The following PTPRA variants were observed in gnomAD, a reference collection of about 807,000 sequenced individuals.
PTPRA encodes the protein protein tyrosine phosphatase receptor type A, also known as receptor-type tyrosine-protein phosphatase alpha.
A neutral mutation model predicts 104.8 loss-of-function variants in PTPRA; 25 were observed. The observed-to-expected ratio is 0.24, with a 90% CI of 0.17 to 0.33. The LOEUF is 0.33. Among genes scored for constraint, PTPRA ranks in the 10% least tolerant of loss-of-function variants. The probability of loss-of-function intolerance (pLI) is 1.00; values close to 1 mark genes in which losing one functional copy is unlikely to be tolerated. For missense variants in PTPRA, 765 were observed against 1,015.3 expected (o/e 0.75, Z 3.35); for synonymous variants, 323 against 368.9 (o/e 0.88, Z 1.43).
intron 17 of PTPRA, among the ~76,000 whole-genome samples, chr20:3,026,302 C>T (rs1400872068): frequency 2.6e-5 from 4 of 152,140 alleles, no homozygotes; most frequent in African/African-American, 9.7e-5. Context: ...CTTTGAGTAG[C>T]AAATGTCAAG....
At chr20:2,939,175 C>T (rs1306998575) in intron 2 of PTPRA, among the ~76,000 whole-genome samples, 1 of 152,094 alleles carries the variant, frequency 6.6e-6, no homozygotes, top group African/African-American at 2.4e-5. Flanking sequence ...GTTCTTATGC[C>T]TTTTGCTGTG....
intron 13 of PTPRA, among the ~76,000 whole-genome samples, chr20:3,018,519 T>C (rs953238596): frequency 6.6e-6 from 1 of 151,678 alleles, no homozygotes; most frequent in African/African-American, 2.4e-5. Flanking sequence ...CAGCACATGT[T>C]TCAGAGAGCA....
intron 1 of PTPRA, among the ~76,000 whole-genome samples, chr20:2,905,614 C>T (rs1568646941): frequency 1.3e-5 from 2 of 152,070 alleles, no homozygotes; most frequent in Non-Finnish European, 2.9e-5. Flanking sequence ...CCCCTTTTCC[C>T]CTTTTCACCA....
intron 1 of PTPRA, among the ~76,000 whole-genome samples, chr20:2,919,390 A>G (rs571298513): frequency 6.6e-6 from 1 of 152,312 alleles, no homozygotes; most frequent in Non-Finnish European, 1.5e-5. Flanking sequence ...AGAAAGATTC[A>G]AATTAATAGG....
chr20:2,960,485 G>A (rs1471529302), intron 3 of PTPRA, among the ~76,000 whole-genome samples: 2 of 151,854 alleles, frequency 1.3e-5, no homozygotes, highest in South Asian at 4.2e-4. Flanking sequence ...TCCTGACCTC[G>A]TGATCCGCCC....
At chr20:2,865,184 C>T in the PTPRA span, 6 of 1,614,156 alleles carry the variant, frequency 3.7e-6, no homozygotes, top group African/African-American at 2.7e-5. The surrounding 1 kb of genome is among the most constrained non-coding windows in gnomAD (Gnocchi z 5.2). Flanking sequence ...ACGGCTGCAG[C>T]GGCGCCTAGA....
At chr20:2,986,281 T>C (rs538485364) in intron 6 of PTPRA, among the ~76,000 whole-genome samples, 1 of 152,300 alleles carries the variant, frequency 6.6e-6, no homozygotes, top group African/African-American at 2.4e-5. Context: ...GAAAACTGTC[T>C]TTTTCCCTTC....
Position 3,022,734 on chromosome 20 carries a change from G to T in PTPRA, c.1374G>T (p.Met458Ile). ...RTGTFVVIDA[M>I]LDMMHTERKV... is the part of the protein sequence containing the mutation. The stretch of plus-strand genomic sequence containing the variant: ...GTACCTTTGTCGTCATTGATGCCAT[G>T]CTGGACATGATGCATACAGAACGGA... The change falls in exon 16 of 24, where the codon ATG becomes ATT. Residue 458 changes from methionine (M) to isoleucine (I), a missense_variant. Met to Ile is a conservative substitution (Grantham distance 10). Around this residue, in one of 4 missense-constraint regions of PTPRA, gnomAD observed 245 missense variants for 398.7 expected, o/e 0.61. Coordinates refer to ENST00000399903, the MANE Select transcript of PTPRA (RefSeq NM_001385305.1). This position sits in a 1 kb window ranked among gnomAD's most constrained non-coding sequence, Gnocchi z 4.6. 1 of 1,614,228 alleles carries T rather than the reference G, an allele frequency of 6.2e-7. No homozygotes were observed. Among genetic ancestry groups the T allele is most frequent in the Non-Finnish European group, 8.5e-7 (1 of 1,180,048 alleles).
At chr20:2,989,841 C>T (rs1002944270) in intron 9 of PTPRA, among the ~76,000 whole-genome samples, 52 of 152,180 alleles carry the variant, frequency 3.4e-4, no homozygotes, top group African/African-American at 6.3e-4. Flanking sequence ...CACAGTGAAA[C>T]CCTGTCTCTA....
chr20:2,969,406 C>T (rs2062073773), intron 5 of PTPRA, among the ~76,000 whole-genome samples: 1 of 151,840 alleles, frequency 6.6e-6, no homozygotes, highest in Non-Finnish European at 1.5e-5. Flanking sequence ...CACCACCACA[C>T]CCAGCTGTTT....
chr20:2,958,658 T>TAAAAAAAA (rs71195806), intron 3 of PTPRA, among the ~76,000 whole-genome samples: 29 of 62,276 alleles, frequency 4.7e-4, no homozygotes, highest in East Asian at 7.9e-4. Flanking sequence ...CCATCTCTAC[T>TAAAAAAAA]AAAAAAAAAA....
intron 5 of PTPRA, among the ~76,000 whole-genome samples, chr20:2,968,405 A>G (rs2062022560): frequency 6.6e-6 from 1 of 151,688 alleles, no homozygotes; most frequent in Non-Finnish European, 1.5e-5. Context: ...TTTTTCGTTC[A>G]TTATTATGGA....
At chr20:2,881,811 G>A (rs2090065982) in intron 1 of PTPRA, among the ~76,000 whole-genome samples, 1 of 152,170 alleles carries the variant, frequency 6.6e-6, no homozygotes, top group Admixed American at 6.5e-5. Context: ...AACCAGCCTG[G>A]CCAACATGGC....
At chr20:2,957,145 C>T (rs901529819) in intron 3 of PTPRA, among the ~76,000 whole-genome samples, 2 of 152,130 alleles carry the variant, frequency 1.3e-5, no homozygotes, top group Admixed American at 6.5e-5. Context: ...ATTATCCAGG[C>T]GTGGTGGCGG....
At chr20:2,886,868 A>G (rs925498236) in intron 1 of PTPRA, among the ~76,000 whole-genome samples, 4 of 144,034 alleles carry the variant, frequency 2.8e-5, no homozygotes, top group Non-Finnish European at 4.6e-5. Flanking sequence ...AAAAAAAAAA[A>G]GGAAAAGAAA....
chr20:2,921,834 A>G (rs1291785654), intron 1 of PTPRA, among the ~76,000 whole-genome samples: 1 of 152,218 alleles, frequency 6.6e-6, no homozygotes, highest in Non-Finnish European at 1.5e-5. Flanking sequence ...GAATACCACA[A>G]GAGGTAGAAA....
At chr20:2,923,868 T>C (rs1244620783) in intron 2 of PTPRA, among the ~76,000 whole-genome samples, 1 of 152,186 alleles carries the variant, frequency 6.6e-6, no homozygotes, top group Non-Finnish European at 1.5e-5. Context: ...CTTGAGTAGA[T>C]CACAGATGAT....
chr20:2,968,105 A>G (rs989270324), intron 5 of PTPRA, among the ~76,000 whole-genome samples: 1 of 152,024 alleles, frequency 6.6e-6, no homozygotes, highest in Non-Finnish European at 1.5e-5. Context: ...CCTGACTTCC[A>G]TATTGTCTTC....
intron 5 of PTPRA, among the ~76,000 whole-genome samples, 170 bp from the exon 6 acceptor site, chr20:2,975,045 C>G (rs1311153934): frequency 6.6e-6 from 1 of 152,198 alleles, no homozygotes; most frequent in Non-Finnish European, 1.5e-5. Flanking sequence ...GAAGGCCAGA[C>G]CACTGTCCAA....
Sources: allele counts gnomAD v4.1 joint callset (sites outside exome capture counted in the v4.1 genomes callset), GRCh38; gene constraint gnomAD v4.1.1; regional missense constraint gnomAD v4.1.1; non-coding constraint Gnocchi (gnomAD v3.1); transcripts MANE v1.5; gene names NCBI Gene and HGNC (gene_info 2026-07-23, HGNC 2026-07-21).